Variants in CIT observed in about 807,000 individuals in gnomAD.
CIT encodes the protein citron rho-interacting serine/threonine kinase.
CIT carries 79 observed loss-of-function variants against 272.7 expected under a neutral mutation model. That is an observed-to-expected ratio of 0.29 (90% CI 0.24 to 0.35). The LOEUF is 0.35. Among genes scored for constraint, CIT ranks in the 10% least tolerant of loss-of-function variants. The pLI is 1.00. For synonymous variants in CIT, 948 were observed against 995.6 expected (o/e 0.95, Z 0.90); for missense variants, 1,909 against 2,618.3 (o/e 0.73, Z 5.91).
intron 29 of CIT, among the ~76,000 whole-genome samples, 186 bp downstream of exon 29, chr12:119,721,123 C>A (rs138246807): frequency 6.6e-6 from 1 of 152,156 alleles, no homozygotes; most frequent in African/African-American, 2.4e-5. Flanking sequence ...CCCGCCACCA[C>A]GCCAGGCTAA....
intron 4 of CIT, among the ~76,000 whole-genome samples, chr12:119,856,870 C>A (rs1950186742): frequency 6.6e-6 from 1 of 152,206 alleles, no homozygotes; most frequent in Non-Finnish European, 1.5e-5. Flanking sequence ...TTGCAAGCTT[C>A]CTGCAGAGCT....
At chr12:119,750,034 A>G (rs1565985092) in intron 23 of CIT, among the ~76,000 whole-genome samples, 1 of 152,246 alleles carries the variant, frequency 6.6e-6, no homozygotes, top group African/African-American at 2.4e-5. Context: ...GAGGAATTAC[A>G]GACCAATCCC....
chr12:119,783,709 G>A (rs919504274), intron 12 of CIT, 199 bp downstream of exon 12: 11 of 539,396 alleles, frequency 2.0e-5, no homozygotes, highest in African/African-American at 1.9e-4. Context: ...TGCTGGAAAT[G>A]AGTCCAATCT....
intron 40 of CIT, among the ~76,000 whole-genome samples, 156 bp from the exon 41 acceptor site, chr12:119,704,611 G>T (rs1593405704): frequency 6.6e-6 from 1 of 152,180 alleles, no homozygotes; most frequent in Non-Finnish European, 1.5e-5. Flanking sequence ...CGCAGGATAT[G>T]AGCAGTATCC....
chr12:119,781,342 A>G (rs1268684534), intron 13 of CIT, among the ~76,000 whole-genome samples: 1 of 152,250 alleles, frequency 6.6e-6, no homozygotes, highest in Non-Finnish European at 1.5e-5. Flanking sequence ...TATGCCAACA[A>G]AACTCCAAAG....
At chr12:119,822,499 C>T (rs1967807267) in intron 9 of CIT, among the ~76,000 whole-genome samples, 1 of 152,194 alleles carries the variant, frequency 6.6e-6, no homozygotes, top group African/African-American at 2.4e-5. Flanking sequence ...TACCTAGATC[C>T]ACTTTTTTGG....
chr12:119,740,478 T>TA (rs774088992), intron 24 of CIT, among the ~76,000 whole-genome samples: 1 of 152,158 alleles, frequency 6.6e-6, no homozygotes, highest in African/African-American at 2.4e-5. Context: ...GTTTCACAGT[T>TA]ACACACACAT....
chr12:119,754,491 G>A (rs1450727866), intron 22 of CIT, among the ~76,000 whole-genome samples: 4 of 152,254 alleles, frequency 2.6e-5, no homozygotes, highest in African/African-American at 9.6e-5. Context: ...AGGTGACAGT[G>A]ACTCAAGGGG....
Position 119,688,091 on chromosome 12 carries a change from C to G in CIT, c.*141G>C. On this transcript the variant is annotated 3_prime_UTR_variant, in exon 48 of 48. Transcript: ENST00000392521. Reference sequence around the variant, plus strand: ...TGCCCCTCCTGGAGACAGGGGTGTCCGTGCCGAGGTGGGTCTGGGCCCCGC... The same window carrying G: ...TGCCCCTCCTGGAGACAGGGGTGTCGGTGCCGAGGTGGGTCTGGGCCCCGC... 1 of 857,310 alleles carries G rather than the reference C, an allele frequency of 1.2e-6. No individual in the cohort carries two copies. The highest frequency in any genetic ancestry group is 1.9e-6 in the Non-Finnish European group (1 of 514,920). The allele number at this position is 857,310 out of a possible 1,614,324, so 53.1% of individuals were successfully genotyped here. A position where few individuals can be genotyped will look rare whatever the true frequency, so the allele number is the denominator to read the frequency against.
In CIT at chr12:119,713,916, G is replaced by T; in HGVS notation, c.4307-268C>A. Reference sequence around the variant, plus strand: ...GTAAAGAACACGTTTGCATGTTTCAGTTGGAGTCAGCGGAAAGGTAGGGAG... The same window carrying T: ...GTAAAGAACACGTTTGCATGTTTCATTTGGAGTCAGCGGAAAGGTAGGGAG... On this transcript the variant is annotated intron_variant, in intron 33 of 47. Transcript: ENST00000392521. This position sits in a 1 kb window ranked among gnomAD's most constrained non-coding sequence, Gnocchi z 5.2. 1.7e-6 allele frequency: 1 copy of T among 605,690 alleles called. No individual in the cohort carries two copies. The highest frequency in any genetic ancestry group is 2.9e-6 in the Non-Finnish European group (1 of 343,092). 37.5% of individuals were successfully genotyped at this position (605,690 alleles called of 1,614,324 possible). A position where few individuals can be genotyped will look rare whatever the true frequency, so the allele number is the denominator to read the frequency against.
At chr12:119,746,180 C>T (rs1001548599) in intron 23 of CIT, among the ~76,000 whole-genome samples, 1 of 152,118 alleles carries the variant, frequency 6.6e-6, no homozygotes, top group African/African-American at 2.4e-5. Flanking sequence ...GAATAAGGCC[C>T]TTATGTTAAC....
At chr12:119,714,550 G>A (rs1229627311) in intron 32 of CIT, among the ~76,000 whole-genome samples, 2 of 152,166 alleles carry the variant, frequency 1.3e-5, no homozygotes, top group African/African-American at 4.8e-5. Flanking sequence ...CCTCCCCGAA[G>A]AGGATAAATG....
At chr12:119,723,674 C>G (rs915871057) in intron 28 of CIT, among the ~76,000 whole-genome samples, 3 of 151,994 alleles carry the variant, frequency 2.0e-5, no homozygotes, top group African/African-American at 7.3e-5. Flanking sequence ...TGGATCAAGA[C>G]CAACAAGAAA....
chr12:119,772,835 G>T lies in CIT; in HGVS notation c.2017C>A (p.Leu673Met), dbSNP rs369325858. ...TCCTCTCGGTTCTGCAGCTTCTCCA[G>T]CTCCCTCTCGGCTCGCTCCTTTGCC... ...RQAKERAERE[L>M]EKLQNREDSS... is the part of the protein sequence containing the mutation. The change falls in exon 17 of 48, where the codon CTG becomes ATG. Residue 673 changes from leucine (L) to methionine (M), a missense_variant. Transcript: ENST00000392521. The T allele has an allele frequency of 3.7e-5, 59 of 1,613,898 alleles. No homozygotes were observed. Among genetic ancestry groups the T allele is most frequent in the Non-Finnish European group, 1.7e-6 (2 of 1,180,042 alleles).
intron 3 of CIT, among the ~76,000 whole-genome samples, chr12:119,864,467 C>G (rs932210920): frequency 2.0e-5 from 3 of 152,202 alleles, no homozygotes; most frequent in African/African-American, 7.2e-5. Flanking sequence ...TCCCAAGTAG[C>G]TGGGACCACA....
rs1956305031 is a variant in CIT, at chr12:119,697,650, G to T, written c.5882+9C>A. ...CCCCTGGTACTGAGGAAGAGGAGAA[G>T]CTGGTTACCTGCGGGAGGTGGACGG... On this transcript the variant is annotated intron_variant, in intron 46 of 47. Coordinates refer to ENST00000392521, the MANE Select transcript of CIT (RefSeq NM_001206999.2). The surrounding 1 kb of genome is among the most constrained non-coding windows in gnomAD (Gnocchi z 4.9). 6.2e-7 allele frequency: 1 copy of T among 1,612,792 alleles called. No homozygotes were observed. Among genetic ancestry groups the T allele is most frequent in the South Asian group, 1.1e-5 (1 of 90,970 alleles).
rs768445936 is a variant in CIT, at chr12:119,869,158, G to C, written c.140C>G (p.Ser47Cys). The change falls in exon 3 of 48, where the codon TCC becomes TGC. Residue 47 changes from serine (S) to cysteine (C), a missense_variant. This residue lies in a region of CIT where 529 missense variants were observed against 549.6 expected (regional missense o/e 0.96). Transcript: ENST00000392521. ...FMTQQQMSPL[S>C]REGILDALFV... ...GAGGGCATCTAATATCCCTTCTCGGGAAAGAGGAGACATCTGCTGTTGAGT... is the reference window on the plus strand; with the variant it reads ...GAGGGCATCTAATATCCCTTCTCGGCAAAGAGGAGACATCTGCTGTTGAGT... 6.2e-7 allele frequency: 1 copy of C among 1,612,916 alleles called. No homozygotes were observed. Among genetic ancestry groups the C allele is most frequent in the Non-Finnish European group, 8.5e-7 (1 of 1,179,692 alleles).
chr12:119,726,412 T>G (rs1171535952), intron 28 of CIT, among the ~76,000 whole-genome samples: 5 of 144,286 alleles, frequency 3.5e-5, no homozygotes, highest in Admixed American at 6.9e-5. Context: ...TTTTTTTTTT[T>G]GTAGAGATGG....
intron 22 of CIT, among the ~76,000 whole-genome samples, chr12:119,756,244 A>G (rs1180527742): frequency 1.3e-5 from 2 of 152,218 alleles, no homozygotes; most frequent in East Asian, 3.9e-4. Context: ...TATTTTGAAC[A>G]AAGAATTGGA....
Sources: gnomAD v4.1 joint callset for allele counts (sites outside exome capture counted in the v4.1 genomes callset) on GRCh38, gnomAD v4.1.1 for gene constraint, gnomAD v4.1.1 regional missense constraint, Gnocchi (gnomAD v3.1) non-coding constraint, MANE v1.5 for transcripts, NCBI Gene and HGNC (gene_info 2026-07-23, HGNC 2026-07-21) for gene names.